SPAG9: variants seen among roughly 807,000 people sequenced by gnomAD.
The protein encoded by SPAG9 is C-Jun-amino-terminal kinase-interacting protein 4.
In SPAG9, 35 loss-of-function variants were observed where a neutral mutation model predicts 166.5. The ratio of observed to expected loss-of-function variants is 0.21; its 90% CI spans 0.16 to 0.28. The LOEUF (loss-of-function observed/expected upper bound fraction) is 0.28, where lower values mean the gene tolerates loss of function less well. Ranked by LOEUF, SPAG9 falls within the 10% of genes least tolerant of loss-of-function variation. The pLI is 1.00. For synonymous variants in SPAG9, 534 were observed against 565.5 expected, an observed-to-expected ratio of 0.94 and a Z score of 0.79; for missense variants, 1,235 against 1,603.3, an observed-to-expected ratio of 0.77 and a Z score of 3.92.
At chr17:50,984,364 T>C (rs1974869133) in intron 24 of SPAG9, among the ~76,000 whole-genome samples, 1 of 151,968 alleles carries the variant, frequency 6.6e-6, no homozygotes. Flanking sequence ...AGTATATGAA[T>C]GAAAAACAAA....
chr17:51,087,964 C>T (rs138727538), intron 1 of SPAG9, among the ~76,000 whole-genome samples: 222 of 152,208 alleles, frequency 1.5e-3, no homozygotes, highest in Middle Eastern at 6.8e-3. Context: ...AGCCTGGTCT[C>T]GAATTCCTGA....
chr17:51,060,505 TAAAAA>T (rs35700642), intron 2 of SPAG9, among the ~76,000 whole-genome samples: 4 of 101,490 alleles, frequency 3.9e-5, no homozygotes, highest in African/African-American at 1.0e-4. Flanking sequence ...TTTGTCTTTT[TAAAAA>T]AAAAAAAAAA....
At chr17:51,113,910 G>T (rs533084126) in intron 1 of SPAG9, among the ~76,000 whole-genome samples, 3 of 152,168 alleles carry the variant, frequency 2.0e-5, no homozygotes, top group African/African-American at 7.2e-5. Context: ...TGGGAGGATC[G>T]CTTGAACCCA....
chr17:51,043,913 AACAAAATCAGTTG>A (rs1022610174), intron 4 of SPAG9, among the ~76,000 whole-genome samples: 4 of 152,238 alleles, frequency 2.6e-5, no homozygotes, highest in African/African-American at 9.6e-5. Flanking sequence ...CCAAAAAGTA[AACAAAATCAGTTG>A]ACAAAATCTA....
In SPAG9 at chr17:50,971,309, A is replaced by AAAACAAAC. The variant is rs138130404; in HGVS notation, c.3701-461_3701-454dup. Among the ~76,000 whole-genome samples the AAAACAAAC allele has an allele frequency of 1.3e-3, 195 of 149,920 alleles. 1 individual carries two copies. The highest frequency in any genetic ancestry group is 4.3e-3 in the African/African-American group (176 of 40,666). ...CAACAGAGCAAGACCTTGCTTCTAA[A>AAAACAAAC]AAACAAACAAACAAACAAACAAACA... is the stretch of plus-strand genomic sequence containing the variant. On this transcript the variant is annotated intron_variant, in intron 28 of 29. Transcript: ENST00000262013.
chr17:51,009,080 A>G, intron 9 of SPAG9: 1 of 440,754 alleles, frequency 2.3e-6, no homozygotes, highest in Non-Finnish European at 4.5e-6. Flanking sequence ...AGCAGCCAAG[A>G]ACACCTAGCT....
chr17:51,117,439 C>G (rs1299828522), intron 1 of SPAG9, among the ~76,000 whole-genome samples: 2 of 152,060 alleles, frequency 1.3e-5, no homozygotes, highest in Admixed American at 6.6e-5. Context: ...CAGGCCGGCA[C>G]GGTGGCTCAT....
chr17:51,060,200 G>C (rs951367720), intron 2 of SPAG9, among the ~76,000 whole-genome samples: 2 of 151,962 alleles, frequency 1.3e-5, no homozygotes, highest in South Asian at 2.1e-4. Context: ...TTGGGGGATA[G>C]GGCCTTTAAG....
At chr17:51,077,178 TA>T (rs1270424700) in intron 2 of SPAG9, among the ~76,000 whole-genome samples, 1 of 151,544 alleles carries the variant, frequency 6.6e-6, no homozygotes, top group African/African-American at 2.4e-5. Flanking sequence ...AGGCCAAGTG[TA>T]GTGGTGTGAT....
At chr17:51,106,147 ACACAC>A (rs1568093431) in intron 1 of SPAG9, among the ~76,000 whole-genome samples, 1 of 143,444 alleles carries the variant, frequency 7.0e-6, no homozygotes, top group East Asian at 2.0e-4. Flanking sequence ...ACACACACAC[ACACAC>A]ACTAGCTGGG....
intron 9 of SPAG9, among the ~76,000 whole-genome samples, chr17:51,010,568 G>GAAA (rs3075109): frequency 3.2e-5 from 4 of 124,864 alleles, no homozygotes; most frequent in South Asian, 2.6e-4. Flanking sequence ...GGCAAGAAAA[G>GAAA]AAAAAAAAAA....
At chr17:50,996,354 C>A (rs2044678365) in intron 16 of SPAG9, 1 of 544,854 alleles carries the variant, frequency 1.8e-6, no homozygotes, top group East Asian at 3.1e-5. Context: ...ATTGACTCCT[C>A]CCCCCCTCAC....
intron 1 of SPAG9, among the ~76,000 whole-genome samples, chr17:51,094,443 T>C (rs758819011): frequency 2.6e-5 from 4 of 152,188 alleles, no homozygotes; most frequent in Admixed American, 6.5e-5. Context: ...TAGTATGCTA[T>C]TTTTAAAAGT....
At chr17:50,977,881 C>T (rs1974311238) in intron 26 of SPAG9, among the ~76,000 whole-genome samples, 1 of 152,138 alleles carries the variant, frequency 6.6e-6, no homozygotes, top group African/African-American at 2.4e-5. Context: ...AAGACTTTGT[C>T]TCTAAAAACA....
chr17:51,093,829 T>C (rs1294323835), intron 1 of SPAG9, among the ~76,000 whole-genome samples: 1 of 151,984 alleles, frequency 6.6e-6, no homozygotes, highest in African/African-American at 2.4e-5. Flanking sequence ...CACTAGTTAG[T>C]AATATCCCTA....
chr17:51,053,848 AAAAAAAGTATATATATAT>A (rs1402791731), intron 3 of SPAG9, among the ~76,000 whole-genome samples: 4 of 64,256 alleles, frequency 6.2e-5, no homozygotes, highest in African/African-American at 3.1e-4. Context: ...AAAAAAAAAA[AAAAAAAGTATATATATAT>A]ATATATATAT....
intron 8 of SPAG9, among the ~76,000 whole-genome samples, chr17:51,018,547 T>C (rs2045799398): frequency 6.6e-6 from 1 of 152,136 alleles, no homozygotes; most frequent in African/African-American, 2.4e-5. Flanking sequence ...TTTTGTTTTG[T>C]TTTTTAAATC....
intron 16 of SPAG9, 128 bp from the exon 17 acceptor site, chr17:50,995,661 T>G: frequency 1.6e-6 from 1 of 627,916 alleles, no homozygotes; most frequent in Non-Finnish European, 2.8e-6. Flanking sequence ...AAGTTCAGGT[T>G]TTTTGTTTTT....
Position 51,021,201 on chromosome 17 carries a change from G to A in SPAG9, c.948C>T (p.His316=). The change falls in exon 7 of 30, where the codon CAC becomes CAT. Residue 316 remains histidine, a synonymous_variant. Transcript: ENST00000262013. ...DAPNKSEISK[H]IEVQVAQETR... ...TTTCCTGGGCTACCTGTACTTCAAT[G>A]TGTTTGCTTATCTCTGATTTATTTG... 1 of 1,614,014 alleles carries A rather than the reference G, an allele frequency of 6.2e-7. No individual in the cohort carries two copies. Among genetic ancestry groups the A allele is most frequent in the Non-Finnish European group, 8.5e-7 (1 of 1,179,972 alleles).
Sources: allele counts gnomAD v4.1 joint callset (sites outside exome capture counted in the v4.1 genomes callset), GRCh38; gene constraint gnomAD v4.1.1; transcripts MANE v1.5; gene names NCBI Gene and HGNC (gene_info 2026-07-23, HGNC 2026-07-21).